KHDRBS2: variants seen among roughly 807,000 people sequenced by gnomAD.
KHDRBS2 encodes the protein KH domain-containing, RNA-binding, signal transduction-associated protein 2.
Under a neutral mutation model 44.3 loss-of-function variants are expected in KHDRBS2, and 26 were observed. That is an observed-to-expected ratio of 0.59 (90% CI 0.43 to 0.81). The LOEUF (loss-of-function observed/expected upper bound fraction) is 0.81, where lower values mean the gene tolerates loss of function less well. KHDRBS2 is among the 40% of genes least tolerant of loss of function. The pLI is 0.00. For missense variants in KHDRBS2, 476 were observed against 433.1 expected (o/e 1.10, Z -0.88); for synonymous variants, 194 against 151.1 (o/e 1.28, Z -2.08).
intron 4 of KHDRBS2, among the ~76,000 whole-genome samples, chr6:61,926,569 C>T (rs1809010762): frequency 6.6e-6 from 1 of 152,060 alleles, no homozygotes; most frequent in African/African-American, 2.4e-5. Context: ...GGCAGGTGTT[C>T]AAGTCCAAAT....
intron 2 of KHDRBS2, among the ~76,000 whole-genome samples, chr6:62,134,791 T>C (rs1811134682): frequency 6.6e-6 from 1 of 152,186 alleles, no homozygotes; most frequent in Non-Finnish European, 1.5e-5. Flanking sequence ...ACTCCCCCAC[T>C]GTATTTCAGA....
At chr6:62,156,506 T>G (rs563928277) in intron 2 of KHDRBS2, among the ~76,000 whole-genome samples, 78 of 152,282 alleles carry the variant, frequency 5.1e-4, no homozygotes, top group African/African-American at 1.9e-3. Context: ...AAATAAAAAC[T>G]TTTAAGACTG....
chr6:61,754,766 A>G (rs1300949192), intron 6 of KHDRBS2, among the ~76,000 whole-genome samples: 3 of 152,180 alleles, frequency 2.0e-5, no homozygotes, highest in Admixed American at 6.5e-5. Context: ...ATAGGAGTGC[A>G]TAGAGAAATC....
chr6:61,797,153 G>T (rs1005583463), intron 6 of KHDRBS2, among the ~76,000 whole-genome samples: 6 of 151,936 alleles, frequency 3.9e-5, no homozygotes, highest in Non-Finnish European at 8.8e-5. Context: ...ATATATTTTT[G>T]ACCACAAAAA....
the KHDRBS2 span, among the ~76,000 whole-genome samples, chr6:61,564,367 CTT>C: frequency 2.6e-5 from 4 of 151,382 alleles, no homozygotes; most frequent in Non-Finnish European, 5.9e-5. Flanking sequence ...AATTTTTCAA[CTT>C]TTCTTGTTTT....
the KHDRBS2 span, among the ~76,000 whole-genome samples, chr6:61,574,123 C>T: frequency 2.6e-5 from 4 of 152,056 alleles, no homozygotes; most frequent in Non-Finnish European, 5.9e-5. Flanking sequence ...ACTGTTAACC[C>T]AACACAGGCA....
At chr6:61,931,990 GT>G (rs1360648712) in intron 4 of KHDRBS2, among the ~76,000 whole-genome samples, 1 of 151,862 alleles carries the variant, frequency 6.6e-6, no homozygotes, top group African/African-American at 2.4e-5. Context: ...ATAACGTTTT[GT>G]TTTCACTAGC....
At chr6:61,548,790 T>C in the KHDRBS2 span, among the ~76,000 whole-genome samples, 14 of 152,028 alleles carry the variant, frequency 9.2e-5, no homozygotes, top group African/African-American at 3.1e-4. Context: ...TAGGAAAAAG[T>C]GGAGTTATCT....
At chr6:61,645,525 A>T in the KHDRBS2 span, among the ~76,000 whole-genome samples, 1 of 22,568 alleles carries the variant, frequency 4.4e-5, no homozygotes, top group Non-Finnish European at 1.0e-4. Flanking sequence ...TGGCAGCCAT[A>T]AAAAAAAAAA....
chr6:62,177,536 T>C (rs1043944530), intron 1 of KHDRBS2, among the ~76,000 whole-genome samples: 9 of 117,358 alleles, frequency 7.7e-5, no homozygotes, highest in African/African-American at 2.3e-4. Context: ...AAGCGATAAT[T>C]GAAGATGTGA....
chr6:61,954,929 CATACAT>C lies in KHDRBS2; in HGVS notation c.483+23131_483+23136del, dbSNP rs1241999707. ...GTGTGCATACATATATATGTATACACATACATATGTATGTGTATACATATATATGTA... is the reference window on the plus strand; with the variant it reads ...GTGTGCATACATATATATGTATACACATGTATGTGTATACATATATATGTA... On this transcript the variant is annotated intron_variant, in intron 4 of 8. Coordinates refer to ENST00000281156, the MANE Select transcript of KHDRBS2 (RefSeq NM_152688.4). 7.2e-5 allele frequency among the ~76,000 whole-genome samples: 6 copies of C among 83,624 alleles called. 1 individual carries two copies. Among genetic ancestry groups the C allele is most frequent in the African/African-American group, 1.7e-4 (5 of 29,132 alleles). The allele number at this position is 83,624 out of a possible 152,430, so 54.9% of individuals were successfully genotyped here.
rs569703291 is a variant in KHDRBS2 at position 62,060,830 on chromosome 6, C to A, written c.220-12836G>T. On this transcript the variant is annotated intron_variant, in intron 2 of 8. Transcript: ENST00000281156. Reference sequence around the variant, plus strand: ...TTATACTAAGTAGAAAAATGTGGGTCCTTTCAAATCTGTTGATTAGATATA... The same window carrying A: ...TTATACTAAGTAGAAAAATGTGGGTACTTTCAAATCTGTTGATTAGATATA... Among the ~76,000 whole-genome samples the A allele has an allele frequency of 2.1e-3, 320 of 151,838 alleles. 1 individual carries two copies. Among genetic ancestry groups the A allele is most frequent in the African/African-American group, 7.3e-3 (301 of 41,460 alleles).
intron 7 of KHDRBS2, among the ~76,000 whole-genome samples, chr6:61,726,214 AT>A (rs144162733): frequency 0.03 from 4,544 of 152,160 alleles, 227 homozygotes; most frequent in African/African-American, 0.1. Context: ...CTTCAATAAA[AT>A]TCAACATCCC....
At chr6:61,769,651 G>A (rs946205714) in intron 6 of KHDRBS2, among the ~76,000 whole-genome samples, 21 of 152,144 alleles carry the variant, frequency 1.4e-4, no homozygotes, top group Admixed American at 3.9e-4. Flanking sequence ...CGCCATTGCC[G>A]AGTTACTTGT....
intron 4 of KHDRBS2, among the ~76,000 whole-genome samples, chr6:61,948,362 TA>T (rs1258935065): frequency 6.6e-6 from 1 of 152,118 alleles, no homozygotes; most frequent in East Asian, 1.9e-4. Flanking sequence ...GAAAACGATT[TA>T]AAATCCACAG....
chr6:62,257,991 C>T (rs899175903), intron 1 of KHDRBS2, among the ~76,000 whole-genome samples: 3 of 152,006 alleles, frequency 2.0e-5, no homozygotes, highest in African/African-American at 7.2e-5. Flanking sequence ...AATCCAAAAT[C>T]TGAAATGCTC....
chr6:62,193,293 T>C (rs1215659947), intron 1 of KHDRBS2, among the ~76,000 whole-genome samples: 5 of 152,186 alleles, frequency 3.3e-5, no homozygotes, highest in African/African-American at 7.2e-5. Context: ...TTTAGGTATA[T>C]AGGCCACCAT....
At chr6:62,173,085 A>T (rs527973464) in intron 2 of KHDRBS2, among the ~76,000 whole-genome samples, 1 of 151,926 alleles carries the variant, frequency 6.6e-6, no homozygotes, top group Non-Finnish European at 1.5e-5. Context: ...AATAAACAAA[A>T]CCAGGCCTGA....
chr6:62,019,735 A>C (rs1241327249), intron 3 of KHDRBS2, among the ~76,000 whole-genome samples: 2 of 151,976 alleles, frequency 1.3e-5, no homozygotes, highest in Non-Finnish European at 2.9e-5. Flanking sequence ...GCTGCTCATA[A>C]TTTTACTTGC....
Sources: allele counts gnomAD v4.1 joint callset (sites outside exome capture counted in the v4.1 genomes callset), GRCh38; gene constraint gnomAD v4.1.1; transcripts MANE v1.5; gene names NCBI Gene and HGNC (gene_info 2026-07-23, HGNC 2026-07-21).